Variants in NPHP4 observed in about 807,000 individuals in gnomAD.
NPHP4 encodes the protein nephrocystin-4.
A neutral mutation model predicts 155.8 loss-of-function variants in NPHP4; 151 were observed. The ratio of observed to expected loss-of-function variants is 0.97; its 90% confidence interval spans 0.85 to 1.11. The LOEUF (loss-of-function observed/expected upper bound fraction) is 1.11, where lower values mean the gene tolerates loss of function less well. NPHP4 is among the 50% of genes least tolerant of loss of function. NPHP4 has a pLI of 0.00. For missense variants in NPHP4, 1,956 were observed against 1,925.7 expected (o/e 1.02, Z -0.29); for synonymous variants, 845 against 816.8 (o/e 1.03, Z -0.59).
At position 5,867,906 on chromosome 1, in the gene NPHP4, G is replaced by C; in HGVS notation, c.3316-10C>G. On this transcript the variant is annotated splice_polypyrimidine_tract_variant and intron_variant, in intron 23 of 29. Transcript: ENST00000378156. This position sits in a 1 kb window ranked among gnomAD's most constrained non-coding sequence, Gnocchi z 4.1. ...TCGCTCGGAACAAGACCTGTGAGGA[G>C]GCCACGCTGAGTGTTGGGATGGGCA... 3 of 1,613,986 alleles carry C rather than the reference G, an allele frequency of 1.9e-6. No individual in the cohort carries two copies. In the East Asian group the frequency reaches 6.7e-5, roughly 36 times the overall value.
At chr1:5,909,335 C>T (rs1645066114) in intron 11 of NPHP4, 122 bp from the exon 12 acceptor site, 4 of 781,400 alleles carry the variant, frequency 5.1e-6, no homozygotes, top group South Asian at 2.9e-5. Flanking sequence ...GTAACAGGGG[C>T]AGCCGCTGGT....
In NPHP4 at chr1:5,864,174, C is replaced by T. The variant is rs926644184; in HGVS notation, c.3997-141G>A. On this transcript the variant is annotated intron_variant, in intron 28 of 29. Coordinates refer to ENST00000378156, the MANE Select transcript of NPHP4 (RefSeq NM_015102.5). Reference sequence around the variant, plus strand: ...TAAGACAGACGCTCTCTGGAGCTTCCATCCGGGAGAGACACAGCACAGGAG... The same window carrying T: ...TAAGACAGACGCTCTCTGGAGCTTCTATCCGGGAGAGACACAGCACAGGAG... 30 of 1,159,554 alleles carry T rather than the reference C, an allele frequency of 2.6e-5. No homozygotes were observed. The African/African-American group carries it at 2.9e-4, about 11-fold the overall frequency. The allele number at this position is 1,159,554 out of a possible 1,614,324, so 71.8% of individuals were successfully genotyped here.
chr1:5,880,131 G>T lies in NPHP4; in HGVS notation c.2594C>A (p.Thr865Lys). The T allele has an allele frequency of 2.5e-6, 4 of 1,613,656 alleles. No homozygotes were observed. The highest frequency in any genetic ancestry group is 3.4e-6 in the Non-Finnish European group (4 of 1,179,750). The change falls in exon 19 of 30, where the codon ACG (threonine) becomes AAG (lysine). Residue 865 changes from threonine to lysine, a missense_variant. By Grantham distance (78) the Thr-to-Lys change is moderately conservative (BLOSUM62 -1). Coordinates refer to ENST00000378156, the MANE Select transcript of NPHP4 (RefSeq NM_015102.5). ...AAACTCACGCCTTGAGCTTCCAGTC[G>T]TGAGGAGGCTGCCTCCAGAGAAGCG... Reference protein sequence around the residue: ...ASRFSGGSLLTTGSSRRKHVV... With the variant: ...ASRFSGGSLLKTGSSRRKHVV...
intron 9 of NPHP4, among the ~76,000 whole-genome samples, chr1:5,942,997 C>A (rs962054544): frequency 6.6e-6 from 1 of 152,190 alleles, no homozygotes. Context: ...TTTGCTCCAT[C>A]ACTCATTCAG....
At chr1:5,938,316 G>T (rs1347911443) in intron 9 of NPHP4, among the ~76,000 whole-genome samples, 1 of 152,234 alleles carries the variant, frequency 6.6e-6, no homozygotes, top group Non-Finnish European at 1.5e-5. Flanking sequence ...GTGAAGAGCT[G>T]GGGGTGGCAG....
intron 9 of NPHP4, among the ~76,000 whole-genome samples, chr1:5,940,032 GTAGGCCAGC>G (rs1646743122): frequency 6.6e-6 from 1 of 152,174 alleles, no homozygotes; most frequent in Non-Finnish European, 1.5e-5. Flanking sequence ...GCAAGAAAAA[GTAGGCCAGC>G]TAGACTTAAA....
rs571150088 is a variant in NPHP4 at position 5,959,851 on chromosome 1, C to T, written c.673+1943G>A. 7.2e-5 allele frequency among the ~76,000 whole-genome samples: 11 copies of T among 152,300 alleles called. No individual in the cohort carries two copies. The South Asian group carries it at 1.9e-3, about 26-fold the overall frequency. ...AGCTAGTCCCAAGATTAGTATCAACCGGGTGACATCTGAAAGCTAGTTCTG... is the reference window on the plus strand; with the variant it reads ...AGCTAGTCCCAAGATTAGTATCAACTGGGTGACATCTGAAAGCTAGTTCTG... On this transcript the variant is annotated intron_variant, in intron 6 of 29. Transcript: ENST00000378156.
chr1:5,955,185 C>T (rs1207978038), intron 6 of NPHP4, among the ~76,000 whole-genome samples: 1 of 152,158 alleles, frequency 6.6e-6, no homozygotes, highest in Non-Finnish European at 1.5e-5. Context: ...AATGAGATAC[C>T]ACCTCACTTC....
chr1:5,938,306 G>T (rs574855545), intron 9 of NPHP4, among the ~76,000 whole-genome samples: 8 of 152,370 alleles, frequency 5.3e-5, no homozygotes, highest in Non-Finnish European at 1.0e-4. Context: ...GCCCCACCAG[G>T]TGAAGAGCTG....
chr1:5,944,799 G>A lies in NPHP4; in HGVS notation c.1119+2305C>T, dbSNP rs768735838. Reference sequence around the variant, plus strand: ...TGCCTGGCCAACGTGGGAAAACCCCGTCTCTATTAAAAATACAAAAATTAG... The same window carrying A: ...TGCCTGGCCAACGTGGGAAAACCCCATCTCTATTAAAAATACAAAAATTAG... On this transcript the variant is annotated intron_variant, in intron 9 of 29. Coordinates refer to ENST00000378156, the MANE Select transcript of NPHP4 (RefSeq NM_015102.5). This position sits in a 1 kb window ranked among gnomAD's most constrained non-coding sequence, Gnocchi z 4.3. 1.6e-4 allele frequency among the ~76,000 whole-genome samples: 24 copies of A among 152,102 alleles called. No individual in the cohort carries two copies. Among genetic ancestry groups the A allele is most frequent in the Admixed American group, 5.9e-4 (9 of 15,276 alleles).
intron 18 of NPHP4, 75 bp downstream of exon 18, chr1:5,887,211 G>A: frequency 1.4e-6 from 2 of 1,388,766 alleles, no homozygotes; most frequent in South Asian, 1.4e-5. Flanking sequence ...TGTGGCCCCT[G>A]CCCGAGGGAG....
intron 19 of NPHP4, among the ~76,000 whole-genome samples, chr1:5,878,846 A>G (rs1055347829): frequency 1.2e-4 from 18 of 151,956 alleles, no homozygotes; most frequent in Admixed American, 6.6e-5. Context: ...CTGGCTCTCC[A>G]CCGTACTCTA....
chr1:5,958,748 A>T (rs908633694), intron 6 of NPHP4, among the ~76,000 whole-genome samples: 3 of 149,812 alleles, frequency 2.0e-5, no homozygotes, highest in Admixed American at 6.7e-5. Flanking sequence ...AGTCCTTACT[A>T]CTCAGGAGGC....
At chr1:5,979,649 A>G (rs945933756) in intron 2 of NPHP4, among the ~76,000 whole-genome samples, 1 of 151,928 alleles carries the variant, frequency 6.6e-6, no homozygotes, top group African/African-American at 2.4e-5. Flanking sequence ...CATCCTGTCA[A>G]GTAGCTGGGA....
chr1:5,893,301 A>G (rs1403784486), intron 16 of NPHP4, among the ~76,000 whole-genome samples: 1 of 152,120 alleles, frequency 6.6e-6, no homozygotes, highest in African/African-American at 2.4e-5. Flanking sequence ...ATGCGCAGAG[A>G]CCGGTAGTGG....
At position 5,927,674 on chromosome 1, in the gene NPHP4, G is replaced by A; in HGVS notation, c.1416C>T (p.Ser472=). The change falls in exon 11 of 30, where the codon TCC becomes TCT. Residue 472 remains serine (S), a synonymous_variant. Coordinates refer to ENST00000378156, the MANE Select transcript of NPHP4 (RefSeq NM_015102.5). ...VSGPKVERRP[S]RKPPTSPSSP... ...TCGAAGGGGACGTGGGTGGTTTCCT[G>A]GAAGGCCGCCGCTCCACTTTGGGGC... 1 of 1,612,242 alleles carries A rather than the reference G, an allele frequency of 6.2e-7. No homozygotes were observed. The highest frequency in any genetic ancestry group is 1.1e-5 in the South Asian group (1 of 91,044).
intron 23 of NPHP4, among the ~76,000 whole-genome samples, chr1:5,870,095 C>A (rs1557602979): frequency 6.6e-6 from 1 of 152,230 alleles, no homozygotes; most frequent in Non-Finnish European, 1.5e-5. Context: ...GTACTGAGTA[C>A]ATCTAACGCT....
At chr1:5,917,934 C>T (rs528059909) in intron 11 of NPHP4, among the ~76,000 whole-genome samples, 3 of 152,300 alleles carry the variant, frequency 2.0e-5, no homozygotes, top group African/African-American at 7.2e-5. Context: ...TGGCGCAACC[C>T]AGCAATATTC....
At chr1:5,870,060 A>G (rs900772030) in intron 23 of NPHP4, among the ~76,000 whole-genome samples, 2 of 152,216 alleles carry the variant, frequency 1.3e-5, no homozygotes, top group African/African-American at 4.8e-5. Context: ...GCTGAGAGGG[A>G]CTTAGCAGCA....
Sources: allele counts gnomAD v4.1 joint callset (sites outside exome capture counted in the v4.1 genomes callset), GRCh38; gene constraint gnomAD v4.1.1; non-coding constraint Gnocchi (gnomAD v3.1); transcripts MANE v1.5; gene names NCBI Gene and HGNC (gene_info 2026-07-23, HGNC 2026-07-21).